Variants in LYRM4 observed in about 807,000 individuals in gnomAD.
The protein encoded by LYRM4 is LYR motif containing 4.
LYRM4 carries 9 observed loss-of-function variants against 11.7 expected under a neutral mutation model. That is an observed-to-expected ratio of 0.77 (90% CI 0.46 to 1.34). The LOEUF is 1.34. Ranked by LOEUF, LYRM4 falls within the 40% of genes most tolerant of loss-of-function variation. The pLI is 0.00. For missense variants in LYRM4, 133 were observed against 112.5 expected (o/e 1.18, Z -0.82); for synonymous variants, 42 against 40.4 (o/e 1.04, Z -0.15).
At chr6:5,178,270 C>A (rs1759838343) in intron 2 of LYRM4, among the ~76,000 whole-genome samples, 1 of 151,936 alleles carries the variant, frequency 6.6e-6, no homozygotes, top group South Asian at 2.1e-4. Flanking sequence ...AGAAAGAGGC[C>A]ACTATACTAC....
the LYRM4 span, among the ~76,000 whole-genome samples, chr6:5,070,817 G>C: frequency 7.1e-6 from 1 of 140,442 alleles, no homozygotes; most frequent in Non-Finnish European, 1.5e-5. Context: ...GCTGCAGTGA[G>C]CCATGATTGT....
the LYRM4 span, among the ~76,000 whole-genome samples, chr6:5,073,411 C>G: frequency 6.6e-6 from 1 of 150,618 alleles, no homozygotes; most frequent in Admixed American, 6.6e-5. Flanking sequence ...AAAGATTTCT[C>G]TATCAGAGCT....
the LYRM4 span, among the ~76,000 whole-genome samples, chr6:5,040,316 A>AATAGATAGTTAG: frequency 8.0e-6 from 1 of 124,984 alleles, no homozygotes; most frequent in South Asian, 2.9e-4. Flanking sequence ...TATCTCTAAC[A>AATAGATAGTTAG]ATAGATAGAT....
At chr6:5,137,081 A>G (rs1467279095) in intron 2 of LYRM4, among the ~76,000 whole-genome samples, 1 of 152,150 alleles carries the variant, frequency 6.6e-6, no homozygotes, top group African/African-American at 2.4e-5. Flanking sequence ...CAGAAACGAA[A>G]TCACACAATG....
At chr6:5,085,621 G>C in the LYRM4 span, 3 of 1,548,128 alleles carry the variant, frequency 1.9e-6, no homozygotes, top group East Asian at 7.3e-5. Flanking sequence ...TGGCGCTTCG[G>C]AGACCCCGAG....
chr6:5,118,371 C>A (rs1763244262), intron 2 of LYRM4, among the ~76,000 whole-genome samples: 2 of 152,088 alleles, frequency 1.3e-5, no homozygotes, highest in African/African-American at 4.8e-5. Context: ...CCTGACTCGG[C>A]CTCCTAAAGT....
At chr6:5,103,196 T>G (rs1251062520), downstream of LYRM4, 2 of 152,194 alleles carry the variant, frequency 1.3e-5, no homozygotes, top group African/African-American at 4.8e-5. Context: ...TCCATCAAGT[T>G]CCAGTTTTTC....
At chr6:5,077,353 G>T in the LYRM4 span, among the ~76,000 whole-genome samples, 65 of 152,324 alleles carry the variant, frequency 4.3e-4, no homozygotes, top group African/African-American at 1.5e-3. Context: ...AGGCTCTGTG[G>T]ACAGGGAAGT....
At chr6:5,200,192 C>A (rs1418505628) in intron 2 of LYRM4, among the ~76,000 whole-genome samples, 1 of 152,124 alleles carries the variant, frequency 6.6e-6, no homozygotes, top group African/African-American at 2.4e-5. Flanking sequence ...ATAAGCGTGT[C>A]TCCAGAAGTG....
chr6:5,091,813 C>T, the LYRM4 span, among the ~76,000 whole-genome samples: 1 of 152,316 alleles, frequency 6.6e-6, no homozygotes, highest in South Asian at 2.1e-4. Flanking sequence ...ATACAAACCA[C>T]GCATATACAT....
chr6:5,196,723 T>C (rs1229166430), intron 2 of LYRM4, among the ~76,000 whole-genome samples: 1 of 152,228 alleles, frequency 6.6e-6, no homozygotes, highest in Non-Finnish European at 1.5e-5. Context: ...TCCATTGGAA[T>C]GATTTGGTTC....
chr6:5,225,733 G>T (rs1245030140), intron 1 of LYRM4, among the ~76,000 whole-genome samples: 1 of 152,152 alleles, frequency 6.6e-6, no homozygotes, highest in Non-Finnish European at 1.5e-5. Flanking sequence ...AAGTGGAACT[G>T]ATAGTTCAAA....
chr6:5,070,329 G>T, the LYRM4 span, among the ~76,000 whole-genome samples: 2 of 152,220 alleles, frequency 1.3e-5, no homozygotes, highest in Non-Finnish European at 2.9e-5. Flanking sequence ...AGGCAGTAAT[G>T]ATATGAAGTG....
chr6:5,251,317 T>C (rs1764417920), intron 1 of LYRM4, among the ~76,000 whole-genome samples: 1 of 152,082 alleles, frequency 6.6e-6, no homozygotes, highest in Admixed American at 6.5e-5. Context: ...GTTAATACTA[T>C]TCATATTAGG....
intron 2 of LYRM4, among the ~76,000 whole-genome samples, chr6:5,191,633 G>C (rs1004528067): frequency 2.6e-5 from 4 of 152,150 alleles, no homozygotes; most frequent in African/African-American, 9.7e-5. Flanking sequence ...GGTGATCAGA[G>C]AATTAGAAAA....
At chr6:5,252,206 A>T (rs1048971456) in intron 1 of LYRM4, among the ~76,000 whole-genome samples, 2 of 152,170 alleles carry the variant, frequency 1.3e-5, no homozygotes, top group African/African-American at 4.8e-5. Context: ...CAGATTTTGC[A>T]GGCTTATTCA....
At chr6:5,063,861 G>A in the LYRM4 span, among the ~76,000 whole-genome samples, 1 of 152,210 alleles carries the variant, frequency 6.6e-6, no homozygotes, top group Non-Finnish European at 1.5e-5. Flanking sequence ...AGCATGTCGG[G>A]AACCTGCCCC....
chr6:5,084,492 C>T, the LYRM4 span: 1 of 152,012 alleles, frequency 6.6e-6, no homozygotes, highest in African/African-American at 2.4e-5. Flanking sequence ...CCTCTCCGCC[C>T]TCCCTGCGGG....
In LYRM4 at chr6:5,110,628, G is replaced by T. The variant is rs564104654; in HGVS notation, c.208-1137C>A. ...ATCTAAGAAGAACGAGAAGTAGACA[G>T]TGGAGATATGGGGGATGGGGGGATC... On this transcript the variant is annotated intron_variant, in intron 2 of 2. Transcript: ENST00000330636. 3.3e-5 allele frequency among the ~76,000 whole-genome samples: 5 copies of T among 152,326 alleles called. No homozygotes were observed. In the East Asian group the frequency reaches 9.6e-4, roughly 29 times the overall value.
Sources: allele counts gnomAD v4.1 joint callset (sites outside exome capture counted in the v4.1 genomes callset), GRCh38; gene constraint gnomAD v4.1.1; transcripts MANE v1.5; gene names NCBI Gene and HGNC (gene_info 2026-07-23, HGNC 2026-07-21).